Variants in LINGO2 observed in about 807,000 individuals in gnomAD.
LINGO2 encodes the protein leucine-rich repeat and immunoglobulin-like domain-containing nogo receptor-interacting protein 2.
A neutral mutation model predicts 30.6 loss-of-function variants in LINGO2; 14 were observed. That is an observed-to-expected ratio of 0.46 (90% CI 0.30 to 0.72). LINGO2 has a LOEUF of 0.72. Ranked by LOEUF, LINGO2 falls within the 30% of genes least tolerant of loss-of-function variation. The probability of loss-of-function intolerance (pLI) is 0.07; values close to 1 mark genes in which losing one functional copy is unlikely to be tolerated. For synonymous variants in LINGO2, 317 were observed against 288.5 expected (o/e 1.10, Z -1.00); for missense variants, 729 against 751.7 (o/e 0.97, Z 0.35).
intron 3 of LINGO2, among the ~76,000 whole-genome samples, chr9:28,297,039 C>T (rs368486328): frequency 2.6e-5 from 4 of 151,974 alleles, no homozygotes; most frequent in South Asian, 2.1e-4. Flanking sequence ...TAAAAGAAGC[C>T]GTATACTAGT....
In LINGO2 at chr9:28,149,913, C is replaced by T. The variant is rs143242128; in HGVS notation, c.-86-137508G>A. 4.0e-5 allele frequency among the ~76,000 whole-genome samples: 6 copies of T among 150,806 alleles called. No homozygotes were observed. The East Asian group carries it at 1.2e-3, about 30-fold the overall frequency. Reference sequence around the variant, plus strand: ...GTAAGGAGCGCCTATGCCTCGCCGCCGTCCTGTCTGCGAAGTGAGGAGTGC... The same window carrying T: ...GTAAGGAGCGCCTATGCCTCGCCGCTGTCCTGTCTGCGAAGTGAGGAGTGC... On this transcript the variant is annotated intron_variant, in intron 4 of 5. Transcript: ENST00000379992.
the LINGO2 span, among the ~76,000 whole-genome samples, chr9:28,733,995 T>C: frequency 6.6e-6 from 1 of 152,276 alleles, no homozygotes; most frequent in East Asian, 1.9e-4. Context: ...CTATGACAGA[T>C]ATGGTCCAAG....
At chr9:28,283,098 C>T (rs983804551) in intron 4 of LINGO2, among the ~76,000 whole-genome samples, 5 of 152,220 alleles carry the variant, frequency 3.3e-5, no homozygotes, top group Admixed American at 6.5e-5. Flanking sequence ...ACAGAACACA[C>T]GCTAGAAAAC....
the LINGO2 span, among the ~76,000 whole-genome samples, chr9:28,926,681 G>GT: frequency 4.2e-3 from 641 of 152,214 alleles, 5 homozygotes; most frequent in African/African-American, 0.014. Flanking sequence ...TAATGTGTAC[G>GT]TAAGTTACTG....
chr9:27,949,065 A>G, exon 6 of LINGO2: 1 of 1,614,202 alleles, frequency 6.2e-7, no homozygotes, highest in Non-Finnish European at 8.5e-7. Context: ...TTTAAGGTCC[A>G]GGGAAAAAGT....
At chr9:28,311,291 G>A (rs1438323713) in intron 3 of LINGO2, among the ~76,000 whole-genome samples, 6 of 152,088 alleles carry the variant, frequency 3.9e-5, no homozygotes, top group South Asian at 2.1e-4. Context: ...CCACAGGACC[G>A]GGGCAAAATT....
the LINGO2 span, among the ~76,000 whole-genome samples, chr9:29,122,043 G>T: frequency 6.6e-6 from 1 of 151,830 alleles, no homozygotes; most frequent in African/African-American, 2.4e-5. Context: ...ATAGAGGAGG[G>T]TCAATGTTTC....
the LINGO2 span, among the ~76,000 whole-genome samples, chr9:28,829,149 A>G: frequency 6.6e-6 from 1 of 152,194 alleles, no homozygotes; most frequent in Non-Finnish European, 1.5e-5. Flanking sequence ...AGAGAGAAGC[A>G]GCTTGACTTC....
At chr9:28,679,195 T>C in the LINGO2 span, among the ~76,000 whole-genome samples, 1 of 152,066 alleles carries the variant, frequency 6.6e-6, no homozygotes, top group Non-Finnish European at 1.5e-5. Context: ...ACAAAAACTT[T>C]GATGACTTTC....
the LINGO2 span, among the ~76,000 whole-genome samples, chr9:29,105,373 T>C: frequency 1.8e-3 from 279 of 152,322 alleles, 1 homozygote; most frequent in African/African-American, 6.4e-3. Flanking sequence ...TCTGAATGTA[T>C]GCTCATGTCA....
intron 4 of LINGO2, among the ~76,000 whole-genome samples, chr9:28,162,458 G>C (rs1828313773): frequency 6.6e-6 from 1 of 152,082 alleles, no homozygotes; most frequent in South Asian, 2.1e-4. Context: ...CAGTCAACTA[G>C]AGCTAAGGAG....
chr9:28,418,275 CT>C (rs3064826), intron 2 of LINGO2, among the ~76,000 whole-genome samples: 31,073 of 106,360 alleles, frequency 0.29, 3,062 homozygotes, highest in Middle Eastern at 0.39. Flanking sequence ...AGGCCATGTA[CT>C]TTTTTTTTTT....
At chr9:28,971,401 G>A in the LINGO2 span, among the ~76,000 whole-genome samples, 1 of 152,052 alleles carries the variant, frequency 6.6e-6, no homozygotes, top group African/African-American at 2.4e-5. Context: ...TTGCCAGAAG[G>A]GAGCCCACTG....
At chr9:28,767,451 T>G in the LINGO2 span, among the ~76,000 whole-genome samples, 1 of 152,126 alleles carries the variant, frequency 6.6e-6, no homozygotes, top group African/African-American at 2.4e-5. Context: ...TATCCAAGTA[T>G]GCATCCTTAG....
At chr9:28,332,275 G>A (rs370863775) in intron 3 of LINGO2, among the ~76,000 whole-genome samples, 40 of 152,066 alleles carry the variant, frequency 2.6e-4, no homozygotes, top group Middle Eastern at 3.4e-3. Flanking sequence ...TTAGGTTGAT[G>A]TCAAAGTAAT....
At chr9:28,638,345 G>C (rs1827388834) in intron 1 of LINGO2, among the ~76,000 whole-genome samples, 1 of 152,152 alleles carries the variant, frequency 6.6e-6, no homozygotes, top group Non-Finnish European at 1.5e-5. Flanking sequence ...AAATGAGTTA[G>C]GGAGGTTTCC....
chr9:29,011,463 G>C, the LINGO2 span, among the ~76,000 whole-genome samples: 1 of 152,084 alleles, frequency 6.6e-6, no homozygotes, highest in Non-Finnish European at 1.5e-5. Context: ...CATGAGAAGA[G>C]TTTTCTTGTG....
chr9:28,927,401 A>G, the LINGO2 span, among the ~76,000 whole-genome samples: 1 of 152,230 alleles, frequency 6.6e-6, no homozygotes, highest in African/African-American at 2.4e-5. Flanking sequence ...CTGAGAAAAC[A>G]GGGTAAGGTA....
chr9:28,984,953 C>A, the LINGO2 span, among the ~76,000 whole-genome samples: 2 of 152,030 alleles, frequency 1.3e-5, no homozygotes, highest in Admixed American at 1.3e-4. Context: ...TGTGACATAC[C>A]TCAAAAAGAA....
Sources: gnomAD v4.1 joint callset for allele counts (sites outside exome capture counted in the v4.1 genomes callset) on GRCh38, gnomAD v4.1.1 for gene constraint, MANE v1.5 for transcripts, NCBI Gene and HGNC (gene_info 2026-07-23, HGNC 2026-07-21) for gene names.